Variants in EPS8L2 observed in about 807,000 individuals in gnomAD.
EPS8L2 encodes the protein epidermal growth factor receptor kinase substrate 8-like protein 2.
EPS8L2 carries 81 observed loss-of-function variants against 99.4 expected under a neutral mutation model. The ratio of observed to expected loss-of-function variants is 0.82; its 90% CI spans 0.68 to 0.98. EPS8L2 has a LOEUF of 0.98. EPS8L2 is among the 50% of genes least tolerant of loss of function. The pLI is 0.00. For synonymous variants in EPS8L2, 509 were observed against 407.3 expected (o/e 1.25, Z -3.01); for missense variants, 1,155 against 968.8 (o/e 1.19, Z -2.55).
intron 4 of EPS8L2, among the ~76,000 whole-genome samples, chr11:711,288 G>A (rs1315934421): frequency 6.6e-6 from 1 of 151,724 alleles, no homozygotes; most frequent in Non-Finnish European, 1.5e-5. Flanking sequence ...GTGTGTGTGT[G>A]TGTCTTTTTT....
intron 7 of EPS8L2, 59 bp from the exon 8 acceptor site, chr11:721,005 A>AGGGAAGGGGAGGAGCCCGGCAG: frequency 7.2e-7 from 1 of 1,397,718 alleles, no homozygotes; most frequent in Non-Finnish European, 9.5e-7. Context: ...GGAGCCCGGC[A>AGGGAAGGGGAGGAGCCCGGCAG]GGGAGGGAGG....
intron 4 of EPS8L2, among the ~76,000 whole-genome samples, chr11:719,363 G>A (rs561050546): frequency 2.2e-4 from 32 of 147,388 alleles, no homozygotes; most frequent in Non-Finnish European, 3.5e-4. Flanking sequence ...TGCACCGAAC[G>A]GCCAACCCTT....
chr11:723,421 T>C (rs2133534575), intron 15 of EPS8L2, 68 bp downstream of exon 15: 1 of 675,474 alleles, frequency 1.5e-6, no homozygotes, highest in Admixed American at 3.1e-5. Flanking sequence ...TCTAAAAACA[T>C]ATGGGTACGC....
chr11:713,669 C>G (rs1194223404), intron 4 of EPS8L2, among the ~76,000 whole-genome samples: 2 of 152,162 alleles, frequency 1.3e-5, no homozygotes, highest in Non-Finnish European at 2.9e-5. Flanking sequence ...CTCAGCCTCC[C>G]CAGTACCTGG....
At position 724,912 on chromosome 11, in the gene EPS8L2, G is replaced by A; in HGVS notation, c.1560+83G>A. On this transcript the variant is annotated intron_variant, in intron 16 of 20. Coordinates refer to ENST00000318562, the MANE Select transcript of EPS8L2 (RefSeq NM_022772.4). The surrounding 1 kb of genome is among the most constrained non-coding windows in gnomAD (Gnocchi z 5.5). ...GGGCTACCAGGGGAGGTGGGGAGCG[G>A]TCTAGGGCCAGGCTGGGTGATGCCA... 1 of 1,061,830 alleles carries A rather than the reference G, an allele frequency of 9.4e-7. No individual in the cohort carries two copies. The highest frequency in any genetic ancestry group is 1.4e-6 in the Non-Finnish European group (1 of 697,896). 65.8% of individuals were successfully genotyped at this position (1,061,830 alleles called of 1,614,324 possible).
Position 726,722 on chromosome 11 carries a change from C to G in EPS8L2, c.2038C>G (p.Gln680Glu). ...CGEEGVRVYS[Q>E]LTMQKAFLEK... ...CGAGGAGGGCGTCCGCGTGTACAGC[C>G]AGCTCACCATGCAGAAGGCCTTCCT... Residue 680 changes from glutamine to glutamate, a missense_variant, in exon 20 of 21, where the codon CAG becomes GAG. Transcript: ENST00000318562. 6.3e-7 allele frequency: 1 copy of G among 1,595,242 alleles called. No homozygotes were observed. Among genetic ancestry groups the G allele is most frequent in the Non-Finnish European group, 8.5e-7 (1 of 1,172,684 alleles).
chr11:723,260 A>G lies in EPS8L2; in HGVS notation c.1361A>G (p.Gln454Arg), dbSNP rs1862237258. The part of the protein sequence containing the change: ...PIEEVSPVSR[Q>R]SIRNSQKHSP... Reference sequence around the variant, plus strand: ...CCACAGGTGAGTCCAGTGAGCCGACAGTCCATAAGAAACTCCCAGAAGCAC... The same window carrying G: ...CCACAGGTGAGTCCAGTGAGCCGACGGTCCATAAGAAACTCCCAGAAGCAC... The change falls in exon 15 of 21, where the codon CAG (glutamine) becomes CGG (arginine). Residue 454 changes from glutamine (Q) to arginine (R), a missense_variant. Transcript: ENST00000318562. 4 of 1,604,788 alleles carry G rather than the reference A, an allele frequency of 2.5e-6. No homozygotes were observed. Among genetic ancestry groups the G allele is most frequent in the Admixed American group, 1.7e-5 (1 of 58,146 alleles).
In EPS8L2 at chr11:716,589, A is replaced by G. The variant is rs529478380; in HGVS notation, c.166-3473A>G. ...TGATCTTAAGTCTTTCTTCTTTTCT[A>G]AGATATTCATGGAAAGCTCTACATT... On this transcript the variant is annotated intron_variant, in intron 4 of 20. Transcript: ENST00000318562. 6.6e-5 allele frequency among the ~76,000 whole-genome samples: 10 copies of G among 152,290 alleles called. No individual in the cohort carries two copies. The East Asian group carries it at 1.7e-3, about 26-fold the overall frequency.
Position 709,414 on chromosome 11 carries a change from C to A in EPS8L2, c.7C>A (p.Gln3Lys), listed in dbSNP as rs202247217. ...GGCCGCCACCCAAGACACCATGAGCCAGTCCGGGGCCGTGAGCTGCTGCCC... is the reference window on the plus strand; with the variant it reads ...GGCCGCCACCCAAGACACCATGAGCAAGTCCGGGGCCGTGAGCTGCTGCCC... Reference protein sequence around the residue: MSQSGAVSCCPGA... With the variant: MSKSGAVSCCPGA... The change falls in exon 2 of 21, where the codon CAG becomes AAG. Residue 3 changes from glutamine to lysine, a missense_variant. By Grantham distance (53) the Gln-to-Lys change is moderately conservative (BLOSUM62 1). Coordinates refer to ENST00000318562, the MANE Select transcript of EPS8L2 (RefSeq NM_022772.4). 4.7e-4 allele frequency: 743 copies of A among 1,588,818 alleles called. No homozygotes were observed. The highest frequency in any genetic ancestry group is 5.9e-4 in the Non-Finnish European group (688 of 1,169,244).
At position 722,147 on chromosome 11, in the gene EPS8L2, C is replaced by G. The variant is rs1305979940; in HGVS notation, c.1041C>G (p.Leu347=). ...NPSAAELVHF[L]FGPLDLIVNT... is the part of the protein sequence containing the mutation. ...GCGCCGCGGAGCTCGTGCACTTCCT[C>G]TTCGGGCCTCTGGACCTGGTGCCTG... The change falls in exon 12 of 21, where the codon CTC becomes CTG. Residue 347 remains leucine (L), a synonymous_variant. Coordinates refer to ENST00000318562, the MANE Select transcript of EPS8L2 (RefSeq NM_022772.4). 6.2e-7 allele frequency: 1 copy of G among 1,612,742 alleles called. No homozygotes were observed. The highest frequency in any genetic ancestry group is 1.1e-5 in the South Asian group (1 of 91,070).
In EPS8L2 at chr11:724,357, C is replaced by T. The variant is rs1862262469; in HGVS notation, c.1455-367C>T. On this transcript the variant is annotated intron_variant, in intron 15 of 20. Transcript: ENST00000318562. This position sits in a 1 kb window ranked among gnomAD's most constrained non-coding sequence, Gnocchi z 5.5. ...ACGGCTCTGAAGACATGCTGGCCCT[C>T]ACTGGCCAGCTGCGGGGAGCTGTGA... 6.6e-6 allele frequency among the ~76,000 whole-genome samples: 1 copy of T among 152,200 alleles called. No homozygotes were observed. The highest frequency in any genetic ancestry group is 2.4e-5 in the African/African-American group (1 of 41,448).
Position 709,571 on chromosome 11 carries a change from C to G in EPS8L2, c.63C>G (p.Ser21=), listed in dbSNP as rs574588438. The G allele has an allele frequency of 1.2e-6, 2 of 1,613,036 alleles. No homozygotes were observed. The highest frequency in any genetic ancestry group is 1.7e-5 in the Admixed American group (1 of 59,990). ...PGATNGSLGR[S]DGVAKMSPKD... ...CCTGCAGTGGCAGCCTGGGCCGGTC[C>G]GACGGTGTGGCCAAGATGAGCCCCA... Residue 21 remains serine (S), a synonymous_variant, in exon 3 of 21, where the codon TCC becomes TCG. Coordinates refer to ENST00000318562, the MANE Select transcript of EPS8L2 (RefSeq NM_022772.4).
rs1835360262 is a variant in EPS8L2, at chr11:722,505, G to A, written c.1164G>A (p.Glu388=). Residue 388 remains glutamate, a synonymous_variant, in exon 13 of 21, where the codon GAG becomes GAA. Coordinates refer to ENST00000318562, the MANE Select transcript of EPS8L2 (RefSeq NM_022772.4). ...DFLRGHLVPK[E]MSLWESLGES... ...TGCGCGGCCACCTGGTCCCTAAGGA[G>A]ATGTCGCTGTGGGAGTCACTGGGAG... is the stretch of plus-strand genomic sequence containing the variant. 1.2e-6 allele frequency: 2 copies of A among 1,613,282 alleles called. No individual in the cohort carries two copies. The highest frequency in any genetic ancestry group is 3.3e-5 in the Admixed American group (2 of 59,992).
intron 3 of EPS8L2, chr11:709,998 A>G (rs895069385): frequency 5.5e-5 from 21 of 382,664 alleles, no homozygotes; most frequent in African/African-American, 3.5e-4. Flanking sequence ...CGCTAGCTAG[A>G]TGCACCCTTC....
rs558641742 is a variant in EPS8L2, at chr11:723,423, T to C, written c.1454+70T>C. 4.0e-5 allele frequency: 26 copies of C among 651,530 alleles called. No homozygotes were observed. In the East Asian group the frequency reaches 6.9e-4, roughly 17 times the overall value. 40.4% of individuals were successfully genotyped at this position (651,530 alleles called of 1,614,324 possible). A position where few individuals can be genotyped will look rare whatever the true frequency, so the allele number is the denominator to read the frequency against. On this transcript the variant is annotated intron_variant, in intron 15 of 20. Coordinates refer to ENST00000318562, the MANE Select transcript of EPS8L2 (RefSeq NM_022772.4). ...AGAACCTACAGTCTCTAAAAACATA[T>C]GGGTACGCTGCCACCAGGTGGTGGC...
rs768640571 is a variant in EPS8L2, at chr11:723,245, G to A, written c.1346G>A (p.Ser449Asn). ...GLASAPIEEV[S>N]PVSRQSIRNS... Reference sequence around the variant, plus strand: ...GGTCGCCCACCTTCCCCACAGGTGAGTCCAGTGAGCCGACAGTCCATAAGA... The same window carrying A: ...GGTCGCCCACCTTCCCCACAGGTGAATCCAGTGAGCCGACAGTCCATAAGA... The change falls in exon 15 of 21, where the codon AGT becomes AAT. Residue 449 changes from serine to asparagine, a missense_variant. Transcript: ENST00000318562. 3 of 1,599,096 alleles carry A rather than the reference G, an allele frequency of 1.9e-6. No homozygotes were observed. Among genetic ancestry groups the A allele is most frequent in the South Asian group, 1.1e-5 (1 of 89,392 alleles).
chr11:719,960 G>A, intron 4 of EPS8L2, 102 bp from the exon 5 acceptor site: 1 of 1,199,510 alleles, frequency 8.3e-7, no homozygotes, highest in Non-Finnish European at 1.2e-6. Flanking sequence ...CCCTACCCAG[G>A]GTTGGCTGTG....
At chr11:715,036 A>T (rs7928294) in intron 4 of EPS8L2, among the ~76,000 whole-genome samples, 12,053 of 152,088 alleles carry the variant, frequency 0.079, 531 homozygotes, top group African/African-American at 0.1. Flanking sequence ...AGGTCAGGAG[A>T]TCAAGACCAT....
rs1395000724 is a variant in EPS8L2 at position 720,876 on chromosome 11, G to A, written c.524G>A (p.Arg175Gln). The A allele has an allele frequency of 1.3e-6, 2 of 1,510,342 alleles. No individual in the cohort carries two copies. The highest frequency in any genetic ancestry group is 1.8e-6 in the Non-Finnish European group (2 of 1,131,448). The allele number at this position is 1,510,342 out of a possible 1,614,324, so 93.6% of individuals were successfully genotyped here. Residue 175 changes from arginine (R) to glutamine (Q), a missense_variant, in exon 7 of 21, where the codon CGG becomes CAG. Coordinates refer to ENST00000318562, the MANE Select transcript of EPS8L2 (RefSeq NM_022772.4). ...ATCGAGAGCGCGTTGGCCGACTGCC[G>A]GCTGGGCAAGAAGATGCGGCCGCAG... ...EDIESALADC[R>Q]LGKKMRPQTL...
Sources: allele counts gnomAD v4.1 joint callset (sites outside exome capture counted in the v4.1 genomes callset), GRCh38; gene constraint gnomAD v4.1.1; non-coding constraint Gnocchi (gnomAD v3.1); transcripts MANE v1.5; gene names NCBI Gene and HGNC (gene_info 2026-07-23, HGNC 2026-07-21).